Variants in CCDC171 observed in about 807,000 individuals in gnomAD.
CCDC171 encodes the protein coiled-coil domain containing 171.
Under a neutral mutation model 168.2 loss-of-function variants are expected in CCDC171, and 177 were observed. The ratio of observed to expected loss-of-function variants is 1.05; its 90% CI spans 0.93 to 1.19. CCDC171 has a LOEUF of 1.19. Ranked by LOEUF, CCDC171 falls within the 50% of genes most tolerant of loss-of-function variation. The pLI is 0.00. For missense variants in CCDC171, 1,991 were observed against 1,539.0 expected, an observed-to-expected ratio of 1.29 and a Z score of -4.91; for synonymous variants, 687 against 540.8, an observed-to-expected ratio of 1.27 and a Z score of -3.75.
chr9:15,749,229 C>T (rs1220085540), intron 18 of CCDC171, among the ~76,000 whole-genome samples: 4 of 151,766 alleles, frequency 2.6e-5, no homozygotes, highest in South Asian at 2.1e-4. Context: ...CAAAGAAGGC[C>T]ATTACATAAT....
chr9:15,886,514 G>A (rs556581738), intron 24 of CCDC171: 2 of 152,296 alleles, frequency 1.3e-5, no homozygotes, highest in South Asian at 4.1e-4. Context: ...TGCACTATTG[G>A]TGGAAATGTA....
At chr9:16,108,759 A>G in the CCDC171 span, among the ~76,000 whole-genome samples, 1 of 152,190 alleles carries the variant, frequency 6.6e-6, no homozygotes, top group Non-Finnish European at 1.5e-5. Flanking sequence ...TATTTGGGAA[A>G]AAAATTACAA....
the CCDC171 span, among the ~76,000 whole-genome samples, chr9:16,108,600 G>A: frequency 1.1e-4 from 17 of 152,108 alleles, no homozygotes; most frequent in Non-Finnish European, 2.1e-4. Flanking sequence ...AATGACCCAC[G>A]TAGAACTTCT....
chr9:15,639,855 G>C (rs767612947), intron 7 of CCDC171, among the ~76,000 whole-genome samples: 1 of 152,158 alleles, frequency 6.6e-6, no homozygotes, highest in African/African-American at 2.4e-5. Flanking sequence ...TAATAAAACA[G>C]TTACAGATGA....
intron 21 of CCDC171, among the ~76,000 whole-genome samples, chr9:15,799,520 G>T (rs1356183997): frequency 6.6e-6 from 1 of 151,524 alleles, no homozygotes; most frequent in Non-Finnish European, 1.5e-5. Context: ...ATATTTATGG[G>T]GTACATGAGA....
intron 24 of CCDC171, among the ~76,000 whole-genome samples, chr9:15,889,582 T>C (rs1348405945): frequency 2.0e-5 from 3 of 152,200 alleles, no homozygotes; most frequent in African/African-American, 7.2e-5. Context: ...AAGGCTCTAA[T>C]AGGCTTTATC....
intron 25 of CCDC171, among the ~76,000 whole-genome samples, chr9:15,938,045 C>A (rs1326322974): frequency 6.6e-6 from 1 of 151,956 alleles, no homozygotes; most frequent in African/African-American, 2.4e-5. Context: ...ATATCAGTAA[C>A]ACCTGATTGC....
intron 18 of CCDC171, among the ~76,000 whole-genome samples, chr9:15,762,194 C>T (rs752275106): frequency 2.2e-4 from 32 of 147,120 alleles, no homozygotes; most frequent in Admixed American, 5.4e-4. Flanking sequence ...GTTGGATATC[C>T]AGATACTGTC....
intron 8 of CCDC171, among the ~76,000 whole-genome samples, chr9:15,661,787 T>G (rs1477516195): frequency 6.6e-6 from 1 of 152,250 alleles, no homozygotes; most frequent in East Asian, 1.9e-4. Flanking sequence ...GGTTTACCAT[T>G]TGTGATTGAG....
intron 10 of CCDC171, among the ~76,000 whole-genome samples, chr9:15,683,603 C>T (rs753828961): frequency 5.3e-5 from 8 of 151,874 alleles, no homozygotes; most frequent in Non-Finnish European, 8.8e-5. Context: ...AAATAATATT[C>T]ATCGCGTAAG....
At chr9:15,808,444 A>T (rs2059174453) in intron 21 of CCDC171, among the ~76,000 whole-genome samples, 1 of 152,224 alleles carries the variant, frequency 6.6e-6, no homozygotes, top group South Asian at 2.1e-4. Context: ...GAGTCCAAAC[A>T]AGAGTACTTT....
intron 16 of CCDC171, among the ~76,000 whole-genome samples, chr9:15,731,013 G>C (rs2054118396): frequency 6.6e-6 from 1 of 151,944 alleles, no homozygotes; most frequent in Admixed American, 6.6e-5. Context: ...AATGTGTAAT[G>C]CTCAAGCCAG....
intron 24 of CCDC171, among the ~76,000 whole-genome samples, chr9:15,889,906 T>C (rs991474070): frequency 1.3e-5 from 2 of 152,210 alleles, no homozygotes. Context: ...GTATCCTGGA[T>C]TCCTGGTAGT....
chr9:16,105,921 T>G, the CCDC171 span, among the ~76,000 whole-genome samples: 1 of 152,242 alleles, frequency 6.6e-6, no homozygotes, highest in Non-Finnish European at 1.5e-5. Flanking sequence ...TTACAGATTC[T>G]TCTGGCCAAG....
chr9:15,996,514 G>A (rs1057450583), intron 3 of CCDC171, among the ~76,000 whole-genome samples: 4 of 150,956 alleles, frequency 2.6e-5, no homozygotes, highest in South Asian at 2.1e-4. Context: ...ACATGAGGTC[G>A]GGTGTGGAAT....
chr9:16,069,898 A>G, the CCDC171 span, among the ~76,000 whole-genome samples: 1 of 152,046 alleles, frequency 6.6e-6, no homozygotes, highest in African/African-American at 2.4e-5. Context: ...CCCAAGCTGG[A>G]TTCTAACATT....
chr9:15,641,478 T>C (rs1443062347), intron 7 of CCDC171, among the ~76,000 whole-genome samples: 3 of 152,216 alleles, frequency 2.0e-5, no homozygotes, highest in Non-Finnish European at 2.9e-5. Flanking sequence ...TTCATAACTT[T>C]TGTGAAACTT....
chr9:15,687,753 A>G (rs1478325122), intron 10 of CCDC171, among the ~76,000 whole-genome samples: 1 of 152,340 alleles, frequency 6.6e-6, no homozygotes, highest in East Asian at 1.9e-4. Flanking sequence ...CTGAAAAACT[A>G]TATGCCAACA....
At chr9:15,835,586 C>A (rs989418673) in intron 21 of CCDC171, among the ~76,000 whole-genome samples, 1 of 152,090 alleles carries the variant, frequency 6.6e-6, no homozygotes, top group Non-Finnish European at 1.5e-5. Flanking sequence ...CGCTACCACA[C>A]CTGGCTAATT....
Sources: allele counts gnomAD v4.1 joint callset (sites outside exome capture counted in the v4.1 genomes callset), GRCh38; gene constraint gnomAD v4.1.1; transcripts MANE v1.5; gene names NCBI Gene and HGNC (gene_info 2026-07-23, HGNC 2026-07-21).